SDK1: variants seen among roughly 807,000 people sequenced by gnomAD.
SDK1 encodes protein sidekick-1.
SDK1 carries 157 observed loss-of-function variants against 245.5 expected under a neutral mutation model. The observed-to-expected ratio is 0.64, with a 90% CI of 0.56 to 0.73. SDK1 has a LOEUF of 0.73. Ranked by LOEUF, SDK1 falls within the 30% of genes least tolerant of loss-of-function variation. SDK1 has a pLI of 0.00. For synonymous variants in SDK1, 1,647 were observed against 1,278.5 expected (o/e 1.29, Z -6.15); for missense variants, 3,583 against 3,002.3 (o/e 1.19, Z -4.52).
At chr7:3,622,669 C>G (rs1781980570) in intron 2 of SDK1, among the ~76,000 whole-genome samples, 1 of 152,100 alleles carries the variant, frequency 6.6e-6, no homozygotes, top group African/African-American at 2.4e-5. Flanking sequence ...ATTGGAAACA[C>G]AAGAAGACAA....
intron 5 of SDK1, among the ~76,000 whole-genome samples, chr7:3,905,376 A>T (rs1329705831): frequency 6.6e-6 from 1 of 152,126 alleles, no homozygotes; most frequent in African/African-American, 2.4e-5. Context: ...ATGTATATAA[A>T]ACTCTAGGTT....
intron 5 of SDK1, among the ~76,000 whole-genome samples, chr7:3,862,057 G>C (rs1281824255): frequency 6.6e-6 from 1 of 152,200 alleles, no homozygotes; most frequent in African/African-American, 2.4e-5. Context: ...GTTTGAAAAA[G>C]CTCCTTGCCA....
In SDK1 at chr7:3,957,380, A is replaced by T. The variant is rs529629343; in HGVS notation, c.1151-1551A>T. On this transcript the variant is annotated intron_variant, in intron 7 of 44. Transcript: ENST00000404826. Reference sequence around the variant, plus strand: ...ATGATGTTATGCTATCGTTTTTTGCAAGATGTTACCATTGCGGGAAGCCGA... The same window carrying T: ...ATGATGTTATGCTATCGTTTTTTGCTAGATGTTACCATTGCGGGAAGCCGA... 6.6e-5 allele frequency among the ~76,000 whole-genome samples: 10 copies of T among 152,286 alleles called. No individual in the cohort carries two copies. The South Asian group carries it at 1.7e-3, about 25-fold the overall frequency.
intron 28 of SDK1, among the ~76,000 whole-genome samples, chr7:4,139,411 ATATGTGTGTGTGTG>A (rs1779319383): frequency 6.8e-6 from 1 of 147,160 alleles, no homozygotes; most frequent in Admixed American, 6.8e-5. Flanking sequence ...GTGTGTGTGT[ATATGTGTGTGTGTG>A]TATGTATATA....
At chr7:4,030,970 A>G (rs1364371963) in intron 17 of SDK1, among the ~76,000 whole-genome samples, 3 of 152,220 alleles carry the variant, frequency 2.0e-5, no homozygotes, top group Admixed American at 1.3e-4. Flanking sequence ...ATAAACACAA[A>G]GAAAGGACCA....
intron 5 of SDK1, among the ~76,000 whole-genome samples, chr7:3,886,614 T>G (rs964184271): frequency 6.6e-6 from 1 of 152,222 alleles, no homozygotes; most frequent in Non-Finnish European, 1.5e-5. Context: ...CACTTGACCC[T>G]GCCTCAAAAG....
chr7:3,617,412 G>A (rs140479520), intron 1 of SDK1, among the ~76,000 whole-genome samples: 1 of 152,312 alleles, frequency 6.6e-6, no homozygotes, highest in East Asian at 1.9e-4. Context: ...TGTGCAGGAG[G>A]AGCTTTAGTT....
intron 1 of SDK1, among the ~76,000 whole-genome samples, chr7:3,552,809 C>T (rs1428645330): frequency 6.6e-6 from 1 of 152,154 alleles, no homozygotes; most frequent in African/African-American, 2.4e-5. Flanking sequence ...AATGCTTTTG[C>T]CCAGTCATTT....
intron 4 of SDK1, among the ~76,000 whole-genome samples, chr7:3,756,209 C>T (rs929126212): frequency 7.7e-6 from 1 of 129,108 alleles, no homozygotes; most frequent in African/African-American, 3.0e-5. Context: ...GGCATAGCAC[C>T]TGTGACACAT....
chr7:3,884,853 A>T (rs1427059087), intron 5 of SDK1, among the ~76,000 whole-genome samples: 2 of 152,224 alleles, frequency 1.3e-5, no homozygotes, highest in Admixed American at 1.3e-4. Flanking sequence ...AGATTAGCTG[A>T]TGGGGCCTTC....
At chr7:4,113,164 C>G in intron 23 of SDK1, 125 bp from the exon 24 acceptor site, 1 of 1,032,466 alleles carries the variant, frequency 9.7e-7, no homozygotes, top group Non-Finnish European at 1.4e-6. Flanking sequence ...GAGCAATAGC[C>G]TTTATGATAT....
chr7:3,342,092 C>T (rs1486706228), intron 1 of SDK1, among the ~76,000 whole-genome samples: 1 of 152,104 alleles, frequency 6.6e-6, no homozygotes. Context: ...TAAAAAAATA[C>T]ATAAATATGC....
intron 1 of SDK1, among the ~76,000 whole-genome samples, chr7:3,400,794 A>AT (rs1778867526): frequency 6.6e-6 from 1 of 152,212 alleles, no homozygotes; most frequent in South Asian, 2.1e-4. Flanking sequence ...GTTTGCCTTC[A>AT]TGTTAACACA....
intron 1 of SDK1, among the ~76,000 whole-genome samples, chr7:3,534,914 G>A (rs1778830415): frequency 6.6e-6 from 1 of 152,142 alleles, no homozygotes; most frequent in Non-Finnish European, 1.5e-5. Flanking sequence ...GAGCAGACAA[G>A]ACAGCGCCAG....
chr7:3,431,302 A>G (rs1224194801), intron 1 of SDK1, among the ~76,000 whole-genome samples: 6 of 151,888 alleles, frequency 4.0e-5, no homozygotes, highest in Non-Finnish European at 5.9e-5. Context: ...AAGTGCCACC[A>G]AAGAGCTGTG....
intron 1 of SDK1, among the ~76,000 whole-genome samples, chr7:3,573,136 A>G (rs1230707006): frequency 6.6e-6 from 1 of 152,032 alleles, no homozygotes; most frequent in African/African-American, 2.4e-5. Flanking sequence ...GTGGGGTGCT[A>G]TAGTTGAGTT....
intron 19 of SDK1, 93 bp downstream of exon 19, chr7:4,051,923 C>T (rs372221113): frequency 8.3e-7 from 1 of 1,204,594 alleles, no homozygotes; most frequent in African/African-American, 1.5e-5. Context: ...AGAGGTGGAT[C>T]ACGAGGAGGC....
At chr7:3,938,484 T>C (rs1374872493) in intron 5 of SDK1, among the ~76,000 whole-genome samples, 1 of 151,760 alleles carries the variant, frequency 6.6e-6, no homozygotes, top group African/African-American at 2.4e-5. Context: ...CTACTAAAAA[T>C]ACAAAAACAA....
In SDK1 at chr7:3,558,876, C is replaced by T. The variant is rs535005973; in HGVS notation, c.299-60204C>T. Among the ~76,000 whole-genome samples, 13 of 152,256 alleles carry T rather than the reference C, an allele frequency of 8.5e-5. 1 individual carries two copies. In the South Asian group the frequency reaches 2.5e-3, roughly 29 times the overall value. On this transcript the variant is annotated intron_variant, in intron 1 of 44. Transcript: ENST00000404826. ...TTAAACAAATAATTTTTGTAGACTG[C>T]TATATGCATTTCATTAGACAAATGT...
Sources: allele counts gnomAD v4.1 joint callset (sites outside exome capture counted in the v4.1 genomes callset), GRCh38; gene constraint gnomAD v4.1.1; transcripts MANE v1.5; gene names NCBI Gene and HGNC (gene_info 2026-07-23, HGNC 2026-07-21).